The following ENTPD1 variants were observed in gnomAD, a reference collection of about 807,000 sequenced individuals.
The protein encoded by ENTPD1 is ATP diphosphohydrolase.
ENTPD1 carries 33 observed loss-of-function variants against 57.0 expected under a neutral mutation model. The ratio of observed to expected loss-of-function variants is 0.58; its 90% CI spans 0.44 to 0.77. The LOEUF (loss-of-function observed/expected upper bound fraction) is 0.77. Among genes scored for constraint, ENTPD1 ranks in the 30% least tolerant of loss-of-function variants. ENTPD1 has a pLI of 0.00. For missense variants in ENTPD1, 501 were observed against 603.4 expected, an observed-to-expected ratio of 0.83 and a Z score of 1.78; for synonymous variants, 202 against 218.8, an observed-to-expected ratio of 0.92 and a Z score of 0.68.
chr10:95,855,707 G>A (rs2098453364), intron 7 of ENTPD1, among the ~76,000 whole-genome samples: 1 of 152,122 alleles, frequency 6.6e-6, no homozygotes, highest in African/African-American at 2.4e-5. Flanking sequence ...GCTTAGGTTG[G>A]CTGGACATGA....
At chr10:95,716,221 AT>A (rs1566086352) in intron 1 of ENTPD1, among the ~76,000 whole-genome samples, 1 of 152,056 alleles carries the variant, frequency 6.6e-6, no homozygotes, top group African/African-American at 2.4e-5. Flanking sequence ...AGGGATTTTT[AT>A]TTTTCTTGAA....
In ENTPD1 at chr10:95,842,302, A is replaced by C. The variant is rs377332287; in HGVS notation, c.263-42A>C. 370 of 1,537,058 alleles carry C rather than the reference A, an allele frequency of 2.4e-4. 10 individuals are homozygous for C. In the East Asian group the frequency reaches 2.7e-3, roughly 11 times the overall value. On this transcript the variant is annotated intron_variant, in intron 3 of 9. Coordinates refer to ENST00000371205, the MANE Select transcript of ENTPD1 (RefSeq NM_001776.6). ...TACTATTGTCAAGGTATGTTTTATAATTTTTTTTTAAAAGATTGTTATCTT... is the reference window on the plus strand; with the variant it reads ...TACTATTGTCAAGGTATGTTTTATACTTTTTTTTTAAAAGATTGTTATCTT...
chr10:95,770,258 T>A (rs2098111220), intron 1 of ENTPD1, among the ~76,000 whole-genome samples: 1 of 146,422 alleles, frequency 6.8e-6, no homozygotes, highest in Non-Finnish European at 1.5e-5. Flanking sequence ...AGTGAGTGAG[T>A]GTGTGTGTGT....
intron 5 of ENTPD1, 74 bp downstream of exon 5, chr10:95,844,709 G>T: frequency 6.4e-7 from 1 of 1,567,244 alleles, no homozygotes; most frequent in Non-Finnish European, 8.8e-7. Context: ...CAGTACTTGG[G>T]TCGCTAGCCA....
chr10:95,809,615 C>G (rs11188496), intron 1 of ENTPD1, among the ~76,000 whole-genome samples: 2 of 111,304 alleles, frequency 1.8e-5, no homozygotes, highest in South Asian at 3.1e-4. Context: ...CAGGCAGAGG[C>G]GCTCCCCACC....
At chr10:95,835,307 A>G (rs1187796465) in intron 2 of ENTPD1, among the ~76,000 whole-genome samples, 1 of 152,222 alleles carries the variant, frequency 6.6e-6, no homozygotes, top group Non-Finnish European at 1.5e-5. Flanking sequence ...TCCATGGTGC[A>G]TATGTACCAC....
chr10:95,767,253 T>G (rs2140057410), intron 1 of ENTPD1, among the ~76,000 whole-genome samples: 2 of 147,516 alleles, frequency 1.4e-5, no homozygotes, highest in Non-Finnish European at 3.0e-5. Flanking sequence ...GAGGCAGAGC[T>G]TCAGTGAGCC....
At chr10:95,830,531 C>T (rs1420985242) in intron 2 of ENTPD1, among the ~76,000 whole-genome samples, 1 of 152,036 alleles carries the variant, frequency 6.6e-6, no homozygotes, top group East Asian at 1.9e-4. Context: ...GATCACCGGG[C>T]GTGGTGGCTC....
At chr10:95,750,327 T>C (rs768865923) in intron 1 of ENTPD1, among the ~76,000 whole-genome samples, 1 of 152,166 alleles carries the variant, frequency 6.6e-6, no homozygotes, top group Non-Finnish European at 1.5e-5. Flanking sequence ...AGGTGGGACC[T>C]GGTGGGAGGT....
chr10:95,743,240 A>G (rs2098002307), intron 1 of ENTPD1, among the ~76,000 whole-genome samples: 1 of 152,188 alleles, frequency 6.6e-6, no homozygotes. Context: ...CTTTCTCATG[A>G]TTAGGCTCGA....
At chr10:95,854,812 T>A (rs1201777329) in intron 7 of ENTPD1, among the ~76,000 whole-genome samples, 6 of 152,236 alleles carry the variant, frequency 3.9e-5, no homozygotes, top group Admixed American at 1.3e-4. Flanking sequence ...TTGTTATAAT[T>A]TCTGTTCTTT....
At position 95,869,969 on chromosome 10, in the gene ENTPD1, C is replaced by A; in HGVS notation, c.*3586C>A. On this transcript the variant is annotated 3_prime_UTR_variant, in exon 10 of 10. Transcript: ENST00000371205. ...GACAGCACATGTCCAAAAAAATACA[C>A]GTAAAGTTAAAGTTTAAAAGACACA... 1.0e-6 allele frequency: 1 copy of A among 985,402 alleles called. No individual in the cohort carries two copies. The highest frequency in any genetic ancestry group is 1.2e-6 in the Non-Finnish European group (1 of 829,918). 61.0% of individuals were successfully genotyped at this position (985,402 alleles called of 1,614,324 possible).
chr10:95,830,527 C>T (rs879329621), intron 2 of ENTPD1, among the ~76,000 whole-genome samples: 17 of 152,028 alleles, frequency 1.1e-4, no homozygotes, highest in African/African-American at 1.9e-4. Context: ...TGTAGATCAC[C>T]GGGCGTGGTG....
intron 1 of ENTPD1, among the ~76,000 whole-genome samples, chr10:95,816,394 CAAT>C (rs1389524784): frequency 2.0e-5 from 3 of 152,090 alleles, no homozygotes; most frequent in East Asian, 3.8e-4. Flanking sequence ...TGTAAACTAA[CAAT>C]AATGATAATT....
chr10:95,782,548 C>A lies in ENTPD1; in HGVS notation c.16+26293C>A, dbSNP rs923976704. On this transcript the variant is annotated intron_variant, in intron 1 of 9. Coordinates refer to ENST00000371205, the MANE Select transcript of ENTPD1 (RefSeq NM_001776.6). ...TCAGAAGGTTTAGCTAAAATATTTT[C>A]AGAGCCTATCACGTGAACCTGGTAA... is the stretch of plus-strand genomic sequence containing the variant. Among the ~76,000 whole-genome samples, 3 of 152,152 alleles carry A rather than the reference C, an allele frequency of 2.0e-5. 1 individual carries two copies. The highest frequency in any genetic ancestry group is 4.4e-5 in the Non-Finnish European group (3 of 68,036).
At chr10:95,724,470 G>A (rs147546386) in intron 1 of ENTPD1, among the ~76,000 whole-genome samples, 2,253 of 152,196 alleles carry the variant, frequency 0.015, 28 homozygotes, top group Middle Eastern at 0.044. Context: ...TTGGCCTCAC[G>A]GATTCCAAGG....
intron 1 of ENTPD1, among the ~76,000 whole-genome samples, chr10:95,776,542 C>G (rs982776148): frequency 6.6e-6 from 1 of 152,146 alleles, no homozygotes; most frequent in Non-Finnish European, 1.5e-5. Context: ...TTGTGGGTAA[C>G]CCGACCTTTC....
chr10:95,697,744 G>A, the ENTPD1 span, among the ~76,000 whole-genome samples: 1 of 152,178 alleles, frequency 6.6e-6, no homozygotes, highest in African/African-American at 2.4e-5. Flanking sequence ...TTGACCTTGG[G>A]CTTCCCAGCC....
chr10:95,699,626 G>A, the ENTPD1 span, among the ~76,000 whole-genome samples: 2 of 151,410 alleles, frequency 1.3e-5, no homozygotes, highest in Non-Finnish European at 2.9e-5. Context: ...GAAAGAGAGA[G>A]ATTGAGAGAG....
Sources: allele counts gnomAD v4.1 joint callset (sites outside exome capture counted in the v4.1 genomes callset), GRCh38; gene constraint gnomAD v4.1.1; transcripts MANE v1.5; gene names NCBI Gene and HGNC (gene_info 2026-07-23, HGNC 2026-07-21).